Variants in DLGAP1 observed in about 807,000 individuals in gnomAD.
The protein encoded by DLGAP1 is disks large-associated protein 1.
A neutral mutation model predicts 90.8 loss-of-function variants in DLGAP1; 11 were observed. The ratio of observed to expected loss-of-function variants is 0.12; its 90% confidence interval spans 0.08 to 0.20. The LOEUF (loss-of-function observed/expected upper bound fraction) is 0.20, where lower values mean the gene tolerates loss of function less well. Among genes scored for constraint, DLGAP1 ranks in the 10% least tolerant of loss-of-function variants. The pLI is 1.00. For synonymous variants in DLGAP1, 558 were observed against 540.7 expected, an observed-to-expected ratio of 1.03 and a Z score of -0.44; for missense variants, 1,050 against 1,333.8, an observed-to-expected ratio of 0.79 and a Z score of 3.31.
intron 3 of DLGAP1, among the ~76,000 whole-genome samples, chr18:3,931,042 G>A (rs2072504374): frequency 1.3e-5 from 2 of 152,122 alleles, no homozygotes; most frequent in African/African-American, 2.4e-5. Flanking sequence ...TAAGCTCCCG[G>A]CATGGCTTCT....
intron 1 of DLGAP1, among the ~76,000 whole-genome samples, chr18:4,253,419 T>C (rs1959203192): frequency 6.6e-6 from 1 of 152,202 alleles, no homozygotes; most frequent in Non-Finnish European, 1.5e-5. Context: ...ATTTATTTTA[T>C]ATATGTTTTG....
intron 5 of DLGAP1, among the ~76,000 whole-genome samples, chr18:3,787,875 T>C (rs769988900): frequency 6.6e-5 from 10 of 152,186 alleles, no homozygotes; most frequent in Non-Finnish European, 1.5e-4. Flanking sequence ...TTCTCTGAAG[T>C]GCCCTCACCT....
chr18:3,940,095 GA>G (rs1316628414), intron 3 of DLGAP1, among the ~76,000 whole-genome samples: 1 of 152,190 alleles, frequency 6.6e-6, no homozygotes, highest in Non-Finnish European at 1.5e-5. Flanking sequence ...TATTCTCTTG[GA>G]TCAGTTGCTC....
chr18:3,958,660 G>C (rs1339535233), intron 3 of DLGAP1, among the ~76,000 whole-genome samples: 2 of 150,056 alleles, frequency 1.3e-5, no homozygotes, highest in East Asian at 3.9e-4. Context: ...CAGGTTTTCT[G>C]GTATTTGAGA....
chr18:4,172,279 T>A (rs192617492), intron 1 of DLGAP1, among the ~76,000 whole-genome samples: 1 of 152,274 alleles, frequency 6.6e-6, no homozygotes, highest in East Asian at 1.9e-4. Context: ...TCACTGAAGT[T>A]GACAGGATGT....
At chr18:3,638,149 G>A (rs538951105) in intron 7 of DLGAP1, among the ~76,000 whole-genome samples, 18 of 151,370 alleles carry the variant, frequency 1.2e-4, no homozygotes, top group African/African-American at 4.1e-4. Flanking sequence ...GGGTTTCACC[G>A]TGTTAGCCAG....
intron 2 of DLGAP1, among the ~76,000 whole-genome samples, chr18:4,135,052 C>T (rs73386748): frequency 0.02 from 2,986 of 152,092 alleles, 100 homozygotes; most frequent in African/African-American, 0.068. Context: ...CAGCAGAGTA[C>T]GTAGTGTTTG....
rs1466190818 is a variant in DLGAP1 at position 3,499,027 on chromosome 18, C to CG, written c.*157dup. 6.5e-6 allele frequency: 4 copies of CG among 613,492 alleles called. No individual in the cohort carries two copies. Among genetic ancestry groups the CG allele is most frequent in the South Asian group, 2.2e-5 (1 of 45,714 alleles). 38.0% of individuals were successfully genotyped at this position (613,492 alleles called of 1,614,324 possible). On this transcript the variant is annotated 3_prime_UTR_variant, in exon 13 of 13. Transcript: ENST00000315677. This position sits in a 1 kb window ranked among gnomAD's most constrained non-coding sequence, Gnocchi z 6.4. ...GGGAAGTGGGGGGCTGAGGGGGGCC[C>CG]GGGGGGCGGCTCCTGCGAGGTGGAC...
In DLGAP1 at chr18:4,152,315, G is replaced by C. The variant is rs78883137; in HGVS notation, c.-266-1028C>G. 5.8e-3 allele frequency among the ~76,000 whole-genome samples: 879 copies of C among 152,288 alleles called. 5 individuals are homozygous for C. The highest frequency in any genetic ancestry group is 0.018 in the African/African-American group (750 of 41,546). On this transcript the variant is annotated intron_variant, in intron 1 of 12. Transcript: ENST00000315677. ...CAGAAATGTAGTGATATTCAGAATTGAGAATATAATTTGTATTTTTTTAAC... is the reference window on the plus strand; with the variant it reads ...CAGAAATGTAGTGATATTCAGAATTCAGAATATAATTTGTATTTTTTTAAC...
chr18:4,272,163 T>C (rs1705131179), intron 1 of DLGAP1, among the ~76,000 whole-genome samples: 2 of 152,184 alleles, frequency 1.3e-5, no homozygotes, highest in African/African-American at 4.8e-5. Flanking sequence ...GTAAGAAATA[T>C]ATATTTATCT....
intron 3 of DLGAP1, among the ~76,000 whole-genome samples, chr18:3,950,466 T>C (rs1013544756): frequency 3.3e-5 from 5 of 152,238 alleles, no homozygotes; most frequent in Non-Finnish European, 7.3e-5. Flanking sequence ...TGCTAGATTA[T>C]TGGATTAGCA....
At chr18:3,940,492 A>C (rs1171375752) in intron 3 of DLGAP1, among the ~76,000 whole-genome samples, 1 of 152,224 alleles carries the variant, frequency 6.6e-6, no homozygotes, top group Non-Finnish European at 1.5e-5. Context: ...GAACTACTTC[A>C]CTAAGAGTTG....
At chr18:4,153,181 G>A (rs2076702338) in intron 1 of DLGAP1, among the ~76,000 whole-genome samples, 1 of 152,168 alleles carries the variant, frequency 6.6e-6, no homozygotes, top group South Asian at 2.1e-4. Flanking sequence ...CTAGTGTAAT[G>A]GTTGCCAAAT....
intron 7 of DLGAP1, among the ~76,000 whole-genome samples, chr18:3,588,898 T>A (rs1282545134): frequency 6.6e-6 from 1 of 152,058 alleles, no homozygotes; most frequent in African/African-American, 2.4e-5. Context: ...GGAAAGATAA[T>A]GCGGCCAGGC....
At chr18:4,020,660 G>T (rs1335340294) in intron 2 of DLGAP1, among the ~76,000 whole-genome samples, 1 of 152,146 alleles carries the variant, frequency 6.6e-6, no homozygotes, top group African/African-American at 2.4e-5. Flanking sequence ...TTATTCCTGG[G>T]TGTAGGCCAA....
chr18:4,397,935 T>G (rs1183085775), intron 1 of DLGAP1, among the ~76,000 whole-genome samples: 10 of 152,194 alleles, frequency 6.6e-5, no homozygotes. Context: ...CAATATGTTA[T>G]TCTAATTTAG....
rs188302727 is a variant in DLGAP1 at position 3,600,925 on chromosome 18, T to G, written c.1592-18677A>C. 5.0e-4 allele frequency among the ~76,000 whole-genome samples: 44 copies of G among 87,348 alleles called. 3 individuals are homozygous for G. Among genetic ancestry groups the G allele is most frequent in the East Asian group, 5.3e-4 (2 of 3,788 alleles). 57.3% of individuals were successfully genotyped at this position (87,348 alleles called of 152,430 possible). ...ATAGATATATAGATAGATATAGATATATATAGATATATAGATAGATATATA... is the reference window on the plus strand; with the variant it reads ...ATAGATATATAGATAGATATAGATAGATATAGATATATAGATAGATATATA... On this transcript the variant is annotated intron_variant, in intron 7 of 12. Coordinates refer to ENST00000315677, the MANE Select transcript of DLGAP1 (RefSeq NM_004746.4).
chr18:3,739,325 A>G, intron 6 of DLGAP1, among the ~76,000 whole-genome samples: 1 of 149,422 alleles, frequency 6.7e-6, no homozygotes, highest in Admixed American at 6.7e-5. Context: ...ACACATGCAC[A>G]CGTATGTTTA....
At chr18:3,785,762 T>G (rs1233212017) in intron 5 of DLGAP1, among the ~76,000 whole-genome samples, 1 of 152,164 alleles carries the variant, frequency 6.6e-6, no homozygotes, top group Non-Finnish European at 1.5e-5. Flanking sequence ...TGGTTCTCTT[T>G]GGGGTCTGGT....
Sources: allele counts gnomAD v4.1 joint callset (sites outside exome capture counted in the v4.1 genomes callset), GRCh38; gene constraint gnomAD v4.1.1; non-coding constraint Gnocchi (gnomAD v3.1); transcripts MANE v1.5; gene names NCBI Gene and HGNC (gene_info 2026-07-23, HGNC 2026-07-21).